Variants in PLA2G4C observed in about 807,000 individuals in gnomAD.
PLA2G4C encodes the protein cytosolic phospholipase A2 gamma.
Under a neutral mutation model 73.8 loss-of-function variants are expected in PLA2G4C, and 64 were observed. The observed-to-expected ratio is 0.87, with a 90% CI of 0.71 to 1.07. PLA2G4C has a LOEUF of 1.07. Among genes scored for constraint, PLA2G4C ranks in the 50% least tolerant of loss-of-function variants. PLA2G4C has a pLI of 0.00. For synonymous variants in PLA2G4C, 254 were observed against 252.1 expected (o/e 1.01, Z -0.07); for missense variants, 622 against 665.4 (o/e 0.93, Z 0.72).
intron 9 of PLA2G4C, among the ~76,000 whole-genome samples, chr19:48,087,502 C>T (rs1419730290): frequency 6.6e-6 from 1 of 152,204 alleles, no homozygotes; most frequent in East Asian, 1.9e-4. Flanking sequence ...AGAACACCAA[C>T]ATTCCTACAG....
Position 48,069,484 on chromosome 19 carries a change from A to T in PLA2G4C, c.1007-1598T>A, listed in dbSNP as rs565153536. 7.9e-5 allele frequency among the ~76,000 whole-genome samples: 12 copies of T among 152,084 alleles called. No individual in the cohort carries two copies. In the South Asian group the frequency reaches 2.5e-3, roughly 32 times the overall value. ...TGCCTCTTCCTCACCCTCACCCTGGACTATCACCAAGACCTGCCAATTCCA... is the reference window on the plus strand; with the variant it reads ...TGCCTCTTCCTCACCCTCACCCTGGTCTATCACCAAGACCTGCCAATTCCA... On this transcript the variant is annotated intron_variant, in intron 12 of 16. Coordinates refer to ENST00000599921, the MANE Select transcript of PLA2G4C (RefSeq NM_003706.3).
intron 13 of PLA2G4C, 118 bp downstream of exon 13, chr19:48,067,673 C>A (rs1314471843): frequency 6.7e-6 from 5 of 744,126 alleles, no homozygotes; most frequent in Non-Finnish European, 1.2e-5. Flanking sequence ...GACACCACCC[C>A]CCTCCAAAGC....
intron 4 of PLA2G4C, chr19:48,100,077 C>T (rs2031819390): frequency 2.1e-6 from 1 of 469,006 alleles, no homozygotes; most frequent in Non-Finnish European, 3.8e-6. Flanking sequence ...TTCCATTTCA[C>T]AGGCAGGAAA....
chr19:48,070,953 T>C (rs1968634770), intron 12 of PLA2G4C, among the ~76,000 whole-genome samples: 1 of 152,184 alleles, frequency 6.6e-6, no homozygotes, highest in Admixed American at 6.5e-5. Flanking sequence ...GCCTGCCCCA[T>C]GGATTTTGGA....
rs1478659303 is a variant in PLA2G4C, at chr19:48,110,487, C to G, written c.-33G>C. Reference sequence around the variant, plus strand: ...AGCCCTCCCTGCCCCCACGGCTTGCCTGAGCCTGGGTCTGGGGCGTGTGCG... The same window carrying G: ...AGCCCTCCCTGCCCCCACGGCTTGCGTGAGCCTGGGTCTGGGGCGTGTGCG... On this transcript the variant is annotated splice_region_variant and 5_prime_UTR_variant, in exon 1 of 17. Coordinates refer to ENST00000599921, the MANE Select transcript of PLA2G4C (RefSeq NM_003706.3). 1 of 1,355,636 alleles carries G rather than the reference C, an allele frequency of 7.4e-7. No homozygotes were observed. Among genetic ancestry groups the G allele is most frequent in the Non-Finnish European group, 9.3e-7 (1 of 1,071,808 alleles). The allele number at this position is 1,355,636 out of a possible 1,614,324, so 84.0% of individuals were successfully genotyped here. A position where few individuals can be genotyped will look rare whatever the true frequency, so the allele number is the denominator to read the frequency against.
chr19:48,058,287 G>A (rs1297241075), intron 14 of PLA2G4C, among the ~76,000 whole-genome samples: 20 of 150,950 alleles, frequency 1.3e-4, no homozygotes, highest in East Asian at 4.0e-4. Flanking sequence ...CAACAAGAGC[G>A]AAACTCCGTC....
intron 6 of PLA2G4C, chr19:48,097,886 T>G (rs963984192): frequency 2.7e-6 from 1 of 375,180 alleles, no homozygotes; most frequent in Admixed American, 4.6e-5. Context: ...CCCAAACCAC[T>G]GGGATTACAA....
At chr19:48,089,557 C>T (rs1206502815) in intron 8 of PLA2G4C, among the ~76,000 whole-genome samples, 8 of 152,170 alleles carry the variant, frequency 5.3e-5, no homozygotes, top group Admixed American at 4.6e-4. Flanking sequence ...ATAAGATTAA[C>T]ATGTAATGAA....
At chr19:48,095,702 A>C in intron 6 of PLA2G4C, 98 bp from the exon 7 acceptor site, 1 of 1,228,208 alleles carries the variant, frequency 8.1e-7, no homozygotes, top group Non-Finnish European at 1.2e-6. Context: ...AATTACAACC[A>C]TGACAGGAGA....
chr19:48,101,119 TATATA>T (rs1254871629), intron 4 of PLA2G4C, among the ~76,000 whole-genome samples: 12 of 70,758 alleles, frequency 1.7e-4, no homozygotes, highest in African/African-American at 8.1e-4. Context: ...TATATATATA[TATATA>T]TATTTTTTTT....
chr19:48,105,951 T>C (rs184263227), intron 2 of PLA2G4C, among the ~76,000 whole-genome samples: 307 of 27,506 alleles, frequency 0.011, 53 homozygotes, highest in Admixed American at 0.022. Context: ...CCCTCCCTTC[T>C]TTCTTTCTTT....
Position 48,077,801 on chromosome 19 carries a change from T to C in PLA2G4C, c.868A>G (p.Ser290Gly). 6.2e-7 allele frequency: 1 copy of C among 1,607,518 alleles called. No individual in the cohort carries two copies. Among genetic ancestry groups the C allele is most frequent in the Non-Finnish European group, 8.5e-7 (1 of 1,177,244 alleles). The change falls in exon 11 of 17, where the codon AGT becomes GGT. Residue 290 changes from serine (S) to glycine (G), a missense_variant. Transcript: ENST00000599921. ...GGGGGAGGATGTTCCCCTTGTGAAC[T>C]TTCTTGCAGCCTCAGTAATCGGGCT... Reference protein sequence around the residue: ...IFARLLRLQESSQGEHPPPED... With the variant: ...IFARLLRLQEGSQGEHPPPED...
intron 12 of PLA2G4C, among the ~76,000 whole-genome samples, chr19:48,071,867 G>A (rs1968672519): frequency 6.6e-6 from 1 of 152,050 alleles, no homozygotes; most frequent in African/African-American, 2.4e-5. Flanking sequence ...TTAAGAATTG[G>A]CCGGGCACAG....
At chr19:48,055,210 G>C (rs1355529502) in intron 14 of PLA2G4C, among the ~76,000 whole-genome samples, 161 bp from the exon 15 acceptor site, 1 of 151,584 alleles carries the variant, frequency 6.6e-6, no homozygotes, top group Non-Finnish European at 1.5e-5. Flanking sequence ...GTAAGGGAAA[G>C]AGTAAGCCTC....
chr19:48,057,780 G>A (rs1270282409), intron 14 of PLA2G4C, among the ~76,000 whole-genome samples: 1 of 150,038 alleles, frequency 6.7e-6, no homozygotes, highest in Non-Finnish European at 1.5e-5. Flanking sequence ...GTGAGCCACC[G>A]CACCCGGCTT....
chr19:48,084,204 C>T (rs140624628), intron 10 of PLA2G4C, among the ~76,000 whole-genome samples: 4,162 of 151,934 alleles, frequency 0.027, 149 homozygotes, highest in African/African-American at 0.084. Flanking sequence ...GGATCACAGG[C>T]GTGCACCACC....
In PLA2G4C at chr19:48,073,820, A is replaced by G. The variant is rs564684108; in HGVS notation, c.1006+947T>C. Among the ~76,000 whole-genome samples the G allele has an allele frequency of 1.3e-3, 197 of 151,928 alleles. 1 individual carries two copies. Among genetic ancestry groups the G allele is most frequent in the African/African-American group, 4.3e-3 (177 of 41,398 alleles). On this transcript the variant is annotated intron_variant, in intron 12 of 16. Coordinates refer to ENST00000599921, the MANE Select transcript of PLA2G4C (RefSeq NM_003706.3). ...GGGAAGGTGCCACACACTTCTAAAC[A>G]ACCGTATCTCACATGAACTCAGAGC... is the stretch of plus-strand genomic sequence containing the variant.
At chr19:48,052,967 G>A (rs765883420) in intron 16 of PLA2G4C, 30 bp downstream of exon 16, 3 of 1,582,126 alleles carry the variant, frequency 1.9e-6, no homozygotes, top group Non-Finnish European at 2.6e-6. Context: ...ACGAGCATAG[G>A]CATCAGAGCG....
At chr19:48,064,009 G>A (rs1968307700) in intron 13 of PLA2G4C, 2 of 152,002 alleles carry the variant, frequency 1.3e-5, no homozygotes. Flanking sequence ...AGGGTGTTAC[G>A]GAAAGTAAGA....
Sources: allele counts gnomAD v4.1 joint callset (sites outside exome capture counted in the v4.1 genomes callset), GRCh38; gene constraint gnomAD v4.1.1; transcripts MANE v1.5; gene names NCBI Gene and HGNC (gene_info 2026-07-23, HGNC 2026-07-21).